UNC5B: variants seen among roughly 807,000 people sequenced by gnomAD.
UNC5B encodes unc-5 netrin receptor B, also known as netrin receptor UNC5B.
UNC5B carries 56 observed loss-of-function variants against 103.7 expected under a neutral mutation model. That is an observed-to-expected ratio of 0.54 (90% CI 0.44 to 0.67). The LOEUF (loss-of-function observed/expected upper bound fraction) is 0.67, where lower values mean the gene tolerates loss of function less well. UNC5B is among the 30% of genes least tolerant of loss of function. UNC5B has a pLI of 0.00. For missense variants in UNC5B, 1,194 were observed against 1,284.5 expected (o/e 0.93, Z 1.08); for synonymous variants, 577 against 542.0 (o/e 1.06, Z -0.90).
chr10:71,287,515 C>A, intron 5 of UNC5B, 83 bp from the exon 6 acceptor site: 2 of 1,489,008 alleles, frequency 1.3e-6, no homozygotes, highest in Non-Finnish European at 1.8e-6. Context: ...AGCAGAGGGG[C>A]CTCGTCAGGG....
At position 71,213,870 on chromosome 10, in the gene UNC5B, C is replaced by T. The variant is rs1313317609; in HGVS notation, c.79+806C>T. Among the ~76,000 whole-genome samples the T allele has an allele frequency of 6.6e-6, 1 of 151,786 alleles. No homozygotes were observed. Among genetic ancestry groups the T allele is most frequent in the Non-Finnish European group, 1.5e-5 (1 of 67,996 alleles). On this transcript the variant is annotated intron_variant, in intron 1 of 16. Transcript: ENST00000335350. The surrounding 1 kb of genome is among the most constrained non-coding windows in gnomAD (Gnocchi z 4.1). The stretch of plus-strand genomic sequence containing the variant: ...ACTAGGTGCGCTCTCCTTGGTACAG[C>T]GCCCGCTCTGGACCCACCAAGATGA...
At position 71,275,652 on chromosome 10, in the gene UNC5B, G is replaced by A. The variant is rs373321039; in HGVS notation, c.80-4169G>A. ...ATAGCTCTATGCCAGTCACTTAAACGCTTTTGGTCTCAGTTTCCTCATCTG... is the reference window on the plus strand; with the variant it reads ...ATAGCTCTATGCCAGTCACTTAAACACTTTTGGTCTCAGTTTCCTCATCTG... On this transcript the variant is annotated intron_variant, in intron 1 of 16. Coordinates refer to ENST00000335350, the MANE Select transcript of UNC5B (RefSeq NM_170744.5). 3.9e-5 allele frequency among the ~76,000 whole-genome samples: 6 copies of A among 152,124 alleles called. No homozygotes were observed. The East Asian group carries it at 5.8e-4, about 15-fold the overall frequency.
rs113166461 is a variant in UNC5B at position 71,296,715 on chromosome 10, A to G, written c.2463A>G (p.Ile821Met). 4.0e-4 allele frequency: 647 copies of G among 1,610,102 alleles called. 7 individuals carry two copies. The highest frequency in any genetic ancestry group is 7.3e-5 in the Non-Finnish European group (86 of 1,178,374). ...CVRQVEGEGQ[I>M]FQLHTTLAET... Reference sequence around the variant, plus strand: ...GGCAAGTGGAAGGGGAGGGCCAGATATTCCAGCTGCATACCACTCTGGCAG... The same window carrying G: ...GGCAAGTGGAAGGGGAGGGCCAGATGTTCCAGCTGCATACCACTCTGGCAG... Residue 821 changes from isoleucine to methionine, a missense_variant, in exon 15 of 17, where the codon ATA becomes ATG. Ile to Met is a conservative substitution (Grantham distance 10, BLOSUM62 1). Transcript: ENST00000335350.
At chr10:71,292,446 C>T (rs1283692236) in intron 10 of UNC5B, 21 bp from the exon 11 acceptor site, 1 of 1,573,162 alleles carries the variant, frequency 6.4e-7, no homozygotes, top group Admixed American at 1.9e-5. Flanking sequence ...GGACTCCCTG[C>T]TGACTTCCCT....
At chr10:71,246,165 G>A (rs1279281458) in intron 1 of UNC5B, among the ~76,000 whole-genome samples, 2 of 152,232 alleles carry the variant, frequency 1.3e-5, no homozygotes, top group Non-Finnish European at 2.9e-5. Flanking sequence ...CCAGCAGTTG[G>A]TGAAGGCTGC....
At position 71,299,149 on chromosome 10, in the gene UNC5B, G is replaced by C. The variant is rs1056881622; in HGVS notation, c.2710G>C (p.Gly904Arg). ...CTTTGCCACCAAAGCGAGCCCCACG[G>C]GTGTGATCCTGGACCTCTGGGAAGC... ...NYFATKASPTGVILDLWEALQ... is the reference protein window; with the variant it reads ...NYFATKASPTRVILDLWEALQ... Residue 904 changes from glycine (G) to arginine (R), a missense_variant, in exon 17 of 17, where the codon GGT becomes CGT. Physicochemically the swap from Gly to Arg is moderately radical, Grantham distance 125. Transcript: ENST00000335350. 4.8e-5 allele frequency: 77 copies of C among 1,614,230 alleles called. No homozygotes were observed. The highest frequency in any genetic ancestry group is 6.4e-5 in the Non-Finnish European group (75 of 1,180,042).
At chr10:71,224,687 T>C (rs1843525857) in intron 1 of UNC5B, among the ~76,000 whole-genome samples, 1 of 152,060 alleles carries the variant, frequency 6.6e-6, no homozygotes, top group Non-Finnish European at 1.5e-5. Flanking sequence ...GGGCCCCCAA[T>C]TGGTTGTGGG....
intron 2 of UNC5B, among the ~76,000 whole-genome samples, chr10:71,280,461 A>C (rs765478423): frequency 1.4e-4 from 22 of 152,218 alleles, no homozygotes; most frequent in African/African-American, 5.1e-4. Context: ...ACTGGTTTCC[A>C]TTCACAATAA....
chr10:71,246,042 C>T (rs922225679), intron 1 of UNC5B, among the ~76,000 whole-genome samples: 1 of 151,902 alleles, frequency 6.6e-6, no homozygotes. Flanking sequence ...GAGGTGGGGG[C>T]GGCCCCGAGA....
chr10:71,291,801 G>A lies in UNC5B; in HGVS notation c.1664G>A (p.Arg555Lys), dbSNP rs367671574. 23 of 1,601,216 alleles carry A rather than the reference G, an allele frequency of 1.4e-5. No individual in the cohort carries two copies. The African/African-American group carries it at 3.1e-4, about 21-fold the overall frequency. The change falls in exon 10 of 17, where the codon AGG (arginine) becomes AAG (lysine). Residue 555 changes from arginine to lysine, a missense_variant. Coordinates refer to ENST00000335350, the MANE Select transcript of UNC5B (RefSeq NM_170744.5). Reference protein sequence around the residue: ...VSGTFGCLGGRLSIPGTGVSL... With the variant: ...VSGTFGCLGGKLSIPGTGVSL... ...GGCACCTTTGGCTGCCTGGGTGGGA[G>A]GCTCAGCATCCCCGGCACAGGTGAG... is the stretch of plus-strand genomic sequence containing the variant.
rs539472940 is a variant in UNC5B, at chr10:71,291,537, C to T, written c.1400C>T (p.Pro467Leu). 2.4e-4 allele frequency: 394 copies of T among 1,614,190 alleles called. 8 individuals are homozygous for T. The South Asian group carries it at 4.2e-3, about 17-fold the overall frequency. ...YALQDSTDKI[P>L]MTNSPLLDPL... Reference sequence around the variant, plus strand: ...CTGCAGGACTCCACCGACAAAATCCCCATGACCAACTCTCCTCTGCTGGAC... The same window carrying T: ...CTGCAGGACTCCACCGACAAAATCCTCATGACCAACTCTCCTCTGCTGGAC... The change falls in exon 10 of 17, where the codon CCC becomes CTC. Residue 467 changes from proline (P) to leucine (L), a missense_variant. Pro to Leu is a moderately conservative substitution (Grantham distance 98). Transcript: ENST00000335350.
Position 71,212,646 on chromosome 10 carries a change from G to A in UNC5B, c.-340G>A, listed in dbSNP as rs1843250229. The A allele has an allele frequency of 1.0e-5, 2 of 198,902 alleles. No homozygotes were observed. Among genetic ancestry groups the A allele is most frequent in the Non-Finnish European group, 2.0e-5 (2 of 99,182 alleles). The allele number at this position is 198,902 out of a possible 1,614,324, so 12.3% of individuals were successfully genotyped here. A position where few individuals can be genotyped will look rare whatever the true frequency, so the allele number is the denominator to read the frequency against. Reference sequence around the variant, plus strand: ...CGGGGCTCCGAGAGGCGCGCACTGGGGCTGGGACTGCGCGGCGCCGCCGCT... The same window carrying A: ...CGGGGCTCCGAGAGGCGCGCACTGGAGCTGGGACTGCGCGGCGCCGCCGCT... On this transcript the variant is annotated 5_prime_UTR_variant, in exon 1 of 17. Transcript: ENST00000335350.
intron 1 of UNC5B, among the ~76,000 whole-genome samples, chr10:71,220,630 A>G (rs1843434773): frequency 6.6e-6 from 1 of 152,136 alleles, no homozygotes; most frequent in African/African-American, 2.4e-5. Context: ...TCATCTGTAA[A>G]ATGGGGGTAA....
At chr10:71,282,295 C>T (rs1385646166) in intron 2 of UNC5B, among the ~76,000 whole-genome samples, 1 of 152,200 alleles carries the variant, frequency 6.6e-6, no homozygotes, top group Non-Finnish European at 1.5e-5. Flanking sequence ...CCAGCTTATG[C>T]CAGATTGGGG....
intron 1 of UNC5B, among the ~76,000 whole-genome samples, chr10:71,234,109 G>A (rs950733078): frequency 1.4e-4 from 21 of 152,200 alleles, no homozygotes; most frequent in African/African-American, 4.6e-4. Flanking sequence ...TGTTAGCACT[G>A]AAGAGATATC....
chr10:71,270,121 A>C (rs1330522766), intron 1 of UNC5B, among the ~76,000 whole-genome samples: 1 of 152,104 alleles, frequency 6.6e-6, no homozygotes, highest in Non-Finnish European at 1.5e-5. Context: ...AAGCCAAGGC[A>C]GGTGGATCAC....
chr10:71,287,506 G>T lies in UNC5B; in HGVS notation c.734-92G>T, dbSNP rs573771259. The T allele has an allele frequency of 2.8e-4, 406 of 1,471,718 alleles. 3 individuals are homozygous for T. The highest frequency in any genetic ancestry group is 2.5e-4 in the Middle Eastern group (1 of 3,948). The allele number at this position is 1,471,718 out of a possible 1,614,324, so 91.2% of individuals were successfully genotyped here. On this transcript the variant is annotated intron_variant, in intron 5 of 16. Coordinates refer to ENST00000335350, the MANE Select transcript of UNC5B (RefSeq NM_170744.5). ...GTCTCACTAGGAAGGCCAGGCTTCA[G>T]CAGAGGGGCCTCGTCAGGGTGAGGG...
chr10:71,271,277 G>A (rs1001104388), intron 1 of UNC5B, among the ~76,000 whole-genome samples: 10 of 152,328 alleles, frequency 6.6e-5, no homozygotes, highest in African/African-American at 2.2e-4. Context: ...GAACAGCTTC[G>A]CAGGGTCATT....
rs1564515247 is a variant in UNC5B, at chr10:71,295,796, GC to G, written c.2176-11del. 6.2e-7 allele frequency: 1 copy of G among 1,609,916 alleles called. No homozygotes were observed. The highest frequency in any genetic ancestry group is 1.7e-5 in the Admixed American group (1 of 59,528). ...GGTGTGATGGGTTCCCCTTCCCCATGCCCCTGGCCCACAGGAGGTGCTGGAG... is the reference window on the plus strand; with the variant it reads ...GGTGTGATGGGTTCCCCTTCCCCATGCCCTGGCCCACAGGAGGTGCTGGAG... On this transcript the variant is annotated splice_polypyrimidine_tract_variant and intron_variant, in intron 13 of 16. Coordinates refer to ENST00000335350, the MANE Select transcript of UNC5B (RefSeq NM_170744.5).
Sources: gnomAD v4.1 joint callset for allele counts (sites outside exome capture counted in the v4.1 genomes callset) on GRCh38, gnomAD v4.1.1 for gene constraint, Gnocchi (gnomAD v3.1) non-coding constraint, MANE v1.5 for transcripts, NCBI Gene and HGNC (gene_info 2026-07-23, HGNC 2026-07-21) for gene names.